The following FRMPD1 variants were observed in gnomAD, a reference collection of about 807,000 sequenced individuals.
FRMPD1 encodes the protein FERM and PDZ domain containing 1.
Under a neutral mutation model 117.8 loss-of-function variants are expected in FRMPD1, and 76 were observed. The observed-to-expected ratio is 0.65, with a 90% confidence interval of 0.54 to 0.78. FRMPD1 has a LOEUF of 0.78. FRMPD1 is among the 30% of genes least tolerant of loss of function. The pLI, the probability that FRMPD1 is intolerant of heterozygous loss-of-function variation, is 0.00. For missense variants in FRMPD1, 1,786 were observed against 1,964.5 expected (o/e 0.91, Z 1.72); for synonymous variants, 783 against 770.4 (o/e 1.02, Z -0.27).
the FRMPD1 span, among the ~76,000 whole-genome samples, chr9:37,632,925 A>AT: frequency 6.8e-6 from 1 of 147,270 alleles, no homozygotes; most frequent in Non-Finnish European, 1.5e-5. Context: ...ATAATATATA[A>AT]TTTTTTCTTT....
intron 2 of FRMPD1, among the ~76,000 whole-genome samples, chr9:37,702,779 C>CA (rs1445165557): frequency 3.3e-5 from 5 of 152,174 alleles, no homozygotes; most frequent in African/African-American, 1.2e-4. Context: ...AAGGGTAAAC[C>CA]ATAGCTTACA....
At chr9:37,731,139 T>G (rs762067145) in intron 9 of FRMPD1, 36 bp downstream of exon 9, 3 of 1,605,374 alleles carry the variant, frequency 1.9e-6, no homozygotes, top group Non-Finnish European at 2.6e-6. Context: ...TAACAGTGGT[T>G]GTTCTCAAAG....
At chr9:37,617,260 A>G in the FRMPD1 span, among the ~76,000 whole-genome samples, 3,479 of 152,280 alleles carry the variant, frequency 0.023, 135 homozygotes, top group African/African-American at 0.078. Context: ...TCAGAATGAG[A>G]TGTTACAATT....
chr9:37,746,738 C>T lies in FRMPD1; in HGVS notation c.4706C>T (p.Thr1569Ile), dbSNP rs1824746639. 1 of 1,614,064 alleles carries T rather than the reference C, an allele frequency of 6.2e-7. No individual in the cohort carries two copies. ...CTCACGGCCGCCGTGTTCTGTTTGACCCAGAAGTTCCGGGCATCCACGGCC... is the reference window on the plus strand; with the variant it reads ...CTCACGGCCGCCGTGTTCTGTTTGATCCAGAAGTTCCGGGCATCCACGGCC... ...TALTAAVFCL[T>I]QKFRASTAL Residue 1569 changes from threonine to isoleucine, a missense_variant, in exon 16 of 16, where the codon ACC becomes ATC. Transcript: ENST00000377765.
chr9:37,733,778 G>A lies in FRMPD1; in HGVS notation c.1171G>A (p.Gly391Arg), dbSNP rs138526022. 40 of 1,606,952 alleles carry A rather than the reference G, an allele frequency of 2.5e-5. No homozygotes were observed. Among genetic ancestry groups the A allele is most frequent in the East Asian group, 1.3e-4 (6 of 44,854 alleles). ...ACGTTTAAATTATCTACAGATCCTC[G>A]GAGAACTCAAGACATATGGTGGAAG... ...QLRLNYLQIL[G>R]ELKTYGGRIF... Residue 391 changes from glycine to arginine, a missense_variant, in exon 12 of 16, where the codon GGA becomes AGA. Transcript: ENST00000377765.
chr9:37,723,170 C>T (rs1322843863), intron 6 of FRMPD1, among the ~76,000 whole-genome samples: 1 of 152,146 alleles, frequency 6.6e-6, no homozygotes, highest in Admixed American at 6.5e-5. Context: ...TCCCTACCCT[C>T]TCCATCCCAC....
chr9:37,634,905 G>A, the FRMPD1 span, among the ~76,000 whole-genome samples: 1 of 151,630 alleles, frequency 6.6e-6, no homozygotes, highest in Non-Finnish European at 1.5e-5. Flanking sequence ...AACAGGCCAT[G>A]GTGTGTGTTG....
chr9:37,604,215 C>G, the FRMPD1 span, among the ~76,000 whole-genome samples: 4 of 152,230 alleles, frequency 2.6e-5, no homozygotes, highest in East Asian at 7.7e-4. Context: ...CAGTTTATTT[C>G]AAAGTTTACC....
intron 7 of FRMPD1, among the ~76,000 whole-genome samples, chr9:37,727,215 G>A (rs1467770443): frequency 6.6e-6 from 1 of 152,096 alleles, no homozygotes; most frequent in Non-Finnish European, 1.5e-5. Flanking sequence ...GCCACTGAAC[G>A]TTCTTGAGCA....
intron 1 of FRMPD1, among the ~76,000 whole-genome samples, chr9:37,651,818 C>T (rs1429438106): frequency 6.6e-6 from 1 of 152,238 alleles, no homozygotes; most frequent in Non-Finnish European, 1.5e-5. Context: ...AAGTCGTGTT[C>T]ACTAGTTGTT....
chr9:37,675,171 T>A (rs1821481642), intron 1 of FRMPD1, among the ~76,000 whole-genome samples: 1 of 152,028 alleles, frequency 6.6e-6, no homozygotes, highest in Non-Finnish European at 1.5e-5. Flanking sequence ...GCCTGTAATC[T>A]CAGCACTTTG....
intron 1 of FRMPD1, among the ~76,000 whole-genome samples, chr9:37,656,698 T>C (rs1588903012): frequency 6.6e-6 from 1 of 152,310 alleles, no homozygotes; most frequent in East Asian, 1.9e-4. Flanking sequence ...CTGAGACTTT[T>C]TTTTTTTCAG....
At chr9:37,678,251 CTTTTTTTTTTTT>C (rs34040451) in intron 1 of FRMPD1, among the ~76,000 whole-genome samples, 1,432 of 79,868 alleles carry the variant, frequency 0.018, 45 homozygotes, top group African/African-American at 0.069. Context: ...GTACTTACCA[CTTTTTTTTTTTT>C]TTTTTTTTTT....
At position 37,720,201 on chromosome 9, in the gene FRMPD1, G is replaced by T. The variant is rs1314768769; in HGVS notation, c.516+1025G>T. Reference sequence around the variant, plus strand: ...TTGTTCAGGAAGGGGCCAGTGGGAGGCCTAATGCATGACTTAGAAAACACC... The same window carrying T: ...TTGTTCAGGAAGGGGCCAGTGGGAGTCCTAATGCATGACTTAGAAAACACC... On this transcript the variant is annotated intron_variant, in intron 6 of 15. Coordinates refer to ENST00000377765, the MANE Select transcript of FRMPD1 (RefSeq NM_014907.3). Among the ~76,000 whole-genome samples, 5 of 152,228 alleles carry T rather than the reference G, an allele frequency of 3.3e-5. No homozygotes were observed. The South Asian group carries it at 8.3e-4, about 25-fold the overall frequency.
At chr9:37,650,180 T>C (rs924885635), upstream of FRMPD1, among the ~76,000 whole-genome samples, 4 of 152,272 alleles carry the variant, frequency 2.6e-5, no homozygotes, top group East Asian at 7.7e-4. Context: ...AGGTGTTCAG[T>C]AGAGTTCAGC....
chr9:37,626,846 A>G, the FRMPD1 span, among the ~76,000 whole-genome samples: 1 of 152,048 alleles, frequency 6.6e-6, no homozygotes, highest in Admixed American at 6.6e-5. Context: ...CTGAATCATT[A>G]TCTTTGGGGT....
At chr9:37,717,381 A>ATATATAT (rs1335593457) in intron 5 of FRMPD1, among the ~76,000 whole-genome samples, 19 of 114,348 alleles carry the variant, frequency 1.7e-4, no homozygotes, top group Non-Finnish European at 2.7e-4. Flanking sequence ...ATATATATAT[A>ATATATAT]TTTTTTTTTT....
At chr9:37,684,993 A>G (rs929455881) in intron 1 of FRMPD1, among the ~76,000 whole-genome samples, 1 of 152,010 alleles carries the variant, frequency 6.6e-6, no homozygotes, top group Non-Finnish European at 1.5e-5. Flanking sequence ...GGCTTAAGCA[A>G]TCCTCCCTGC....
intron 3 of FRMPD1, 41 bp from the exon 4 acceptor site, chr9:37,708,358 C>T (rs1246742637): frequency 1.6e-6 from 2 of 1,258,674 alleles, no homozygotes; most frequent in Non-Finnish European, 1.2e-6. Flanking sequence ...AGTCTGGGTC[C>T]TCCCGGCATG....
Sources: gnomAD v4.1 joint callset for allele counts (sites outside exome capture counted in the v4.1 genomes callset) on GRCh38, gnomAD v4.1.1 for gene constraint, MANE v1.5 for transcripts, NCBI Gene and HGNC (gene_info 2026-07-23, HGNC 2026-07-21) for gene names.